HEATR1: variants seen among roughly 807,000 people sequenced by gnomAD.
HEATR1 encodes HEAT repeat-containing protein 1.
In HEATR1, 77 loss-of-function variants were observed where a neutral mutation model predicts 248.2. That is an observed-to-expected ratio of 0.31 (90% CI 0.26 to 0.37). HEATR1 has a LOEUF of 0.37. Ranked by LOEUF, HEATR1 falls within the 10% of genes least tolerant of loss-of-function variation. The pLI, the probability that HEATR1 is intolerant of heterozygous loss-of-function variation, is 1.00. For synonymous variants in HEATR1, 897 were observed against 923.1 expected (o/e 0.97, Z 0.51); for missense variants, 2,420 against 2,504.9 (o/e 0.97, Z 0.72).
intron 32 of HEATR1, among the ~76,000 whole-genome samples, chr1:236,563,724 G>T (rs907631244): frequency 6.6e-6 from 1 of 152,052 alleles, no homozygotes; most frequent in Non-Finnish European, 1.5e-5. Context: ...ATTCCTGGTC[G>T]TATTCCTTTC....
At chr1:236,566,981 A>C in intron 29 of HEATR1, 105 bp from the exon 30 acceptor site, 1 of 714,282 alleles carries the variant, frequency 1.4e-6, no homozygotes, top group Non-Finnish European at 2.4e-6. Flanking sequence ...AGAAATTGCC[A>C]GAAGAATTTT....
intron 17 of HEATR1, among the ~76,000 whole-genome samples, chr1:236,584,721 A>G (rs1284686388): frequency 6.6e-6 from 1 of 152,262 alleles, no homozygotes; most frequent in Non-Finnish European, 1.5e-5. Flanking sequence ...TGAATTCTTC[A>G]TCGCTAGAGG....
At chr1:236,551,177 A>C (rs1662724395) in intron 44 of HEATR1, 187 bp from the exon 45 acceptor site, 1 of 550,214 alleles carries the variant, frequency 1.8e-6, no homozygotes, top group Middle Eastern at 4.8e-4. Flanking sequence ...TTCCGCCTTC[A>C]TTCCTTGCCC....
intron 20 of HEATR1, among the ~76,000 whole-genome samples, chr1:236,579,754 A>G (rs896183315): frequency 6.6e-6 from 1 of 152,200 alleles, no homozygotes; most frequent in African/African-American, 2.4e-5. Context: ...TATTTTAGAA[A>G]TAAAACTTGA....
chr1:236,597,125 C>CA (rs59433755), intron 5 of HEATR1, 149 bp from the exon 6 acceptor site: 32,771 of 369,526 alleles, frequency 0.089, 88 homozygotes, highest in Admixed American at 0.12. Flanking sequence ...TCCATGTCTC[C>CA]AAAAAAAAAA....
At chr1:236,554,515 C>T in intron 42 of HEATR1, 83 bp downstream of exon 42, 1 of 1,190,806 alleles carries the variant, frequency 8.4e-7, no homozygotes, top group Admixed American at 2.6e-5. Context: ...TCCTAGCAAG[C>T]TGTCATTTGA....
At chr1:236,556,388 A>G (rs1407518) in intron 37 of HEATR1, 130 bp from the exon 38 acceptor site, 638,310 of 910,760 alleles carry the variant, frequency 0.7, 225,911 homozygotes, top group Non-Finnish European at 0.73. Context: ...TACACACAGA[A>G]TTCCTTTTAA....
chr1:236,577,447 G>A (rs879373405), intron 20 of HEATR1, among the ~76,000 whole-genome samples: 18 of 151,250 alleles, frequency 1.2e-4, no homozygotes, highest in African/African-American at 2.9e-4. Flanking sequence ...AAACTCTTGC[G>A]AATGTTTTCC....
intron 12 of HEATR1, among the ~76,000 whole-genome samples, chr1:236,588,767 A>G (rs1663957941): frequency 6.6e-6 from 1 of 152,234 alleles, no homozygotes; most frequent in South Asian, 2.1e-4. Flanking sequence ...AATAATATAA[A>G]AAACATAGGT....
chr1:236,572,319 C>A, intron 26 of HEATR1, 92 bp downstream of exon 26: 1 of 1,353,034 alleles, frequency 7.4e-7, no homozygotes, highest in East Asian at 2.3e-5. Flanking sequence ...ACTATCTAAA[C>A]AAGAGAAGAG....
intron 42 of HEATR1, among the ~76,000 whole-genome samples, chr1:236,554,345 T>C (rs1233485743): frequency 1.3e-5 from 2 of 152,138 alleles, no homozygotes; most frequent in East Asian, 3.9e-4. Context: ...CGAGCCGAGA[T>C]TGCACCACTG....
chr1:236,592,509 C>T lies in HEATR1; in HGVS notation c.1304+14G>A. 1 of 1,019,154 alleles carries T rather than the reference C, an allele frequency of 9.8e-7. No homozygotes were observed. Among genetic ancestry groups the T allele is most frequent in the Non-Finnish European group, 1.5e-6 (1 of 647,744 alleles). The allele number at this position is 1,019,154 out of a possible 1,614,324, so 63.1% of individuals were successfully genotyped here. A position where few individuals can be genotyped will look rare whatever the true frequency, so the allele number is the denominator to read the frequency against. On this transcript the variant is annotated intron_variant, in intron 10 of 44. Coordinates refer to ENST00000366582, the MANE Select transcript of HEATR1 (RefSeq NM_018072.6). ...AGTACTTTAGAAGAGCATAAACATA[C>T]ACACGTAACTTACTTGCTTTCTAAA...
chr1:236,549,163 T>C lies in HEATR1; in HGVS notation c.*1739A>G, dbSNP rs1190676819. 2.5e-6 allele frequency: 1 copy of C among 395,530 alleles called. No individual in the cohort carries two copies. Among genetic ancestry groups the C allele is most frequent in the East Asian group, 3.6e-5 (1 of 28,024 alleles). The allele number at this position is 395,530 out of a possible 1,614,324, so 24.5% of individuals were successfully genotyped here. On this transcript the variant is annotated 3_prime_UTR_variant, in exon 45 of 45. Coordinates refer to ENST00000366582, the MANE Select transcript of HEATR1 (RefSeq NM_018072.6). ...TGTTTTGTTCCCATGAAATCACCAA[T>C]CAAGGCCTCCGTTCTTCTAAAGATT...
rs11338847 is a variant in HEATR1, at chr1:236,581,420, TAAA to T, written c.2563-9_2563-7del. ...AAAACATCTTCTAGATGCACCTAATTAAAAAAAAAAAAAAGCAAACTTTTAATT... is the reference window on the plus strand; with the variant it reads ...AAAACATCTTCTAGATGCACCTAATTAAAAAAAAAAAGCAAACTTTTAATT... On this transcript the variant is annotated splice_region_variant and splice_polypyrimidine_tract_variant and intron_variant, in intron 19 of 44. Transcript: ENST00000366582. The T allele has an allele frequency of 1.8e-4, 218 of 1,210,660 alleles. No individual in the cohort carries two copies. Among genetic ancestry groups the T allele is most frequent in the South Asian group, 4.5e-4 (24 of 52,864 alleles). The allele number at this position is 1,210,660 out of a possible 1,614,324, so 75.0% of individuals were successfully genotyped here.
chr1:236,595,762 C>CAA, intron 7 of HEATR1, 71 bp downstream of exon 7: 2 of 1,446,306 alleles, frequency 1.4e-6, no homozygotes, highest in Non-Finnish European at 1.9e-6. Flanking sequence ...ACTTATCTTA[C>CAA]AAAAAAAAAT....
chr1:236,582,881 A>C lies in HEATR1; in HGVS notation c.2426-9T>G. 2 of 1,613,546 alleles carry C rather than the reference A, an allele frequency of 1.2e-6. No individual in the cohort carries two copies. Among genetic ancestry groups the C allele is most frequent in the South Asian group, 2.2e-5 (2 of 91,080 alleles). On this transcript the variant is annotated splice_polypyrimidine_tract_variant and intron_variant, in intron 18 of 44. Transcript: ENST00000366582. The stretch of plus-strand genomic sequence containing the variant: ...ATTCCACCATATATCACCTACAAGG[A>C]CATGGAAAGAGAAATGATGCTAGAT...
chr1:236,587,615 A>G, intron 13 of HEATR1, 125 bp from the exon 14 acceptor site: 1 of 468,980 alleles, frequency 2.1e-6, no homozygotes, highest in Non-Finnish European at 3.7e-6. Context: ...AGTACAAATT[A>G]AAAGTTTTAA....
intron 30 of HEATR1, among the ~76,000 whole-genome samples, chr1:236,566,337 AC>A (rs1442260144): frequency 1.3e-5 from 2 of 152,098 alleles, no homozygotes; most frequent in Admixed American, 1.3e-4. Context: ...TTGAAGAGAC[AC>A]TGTTTCATTA....
At chr1:236,596,763 T>TA (rs896766393) in intron 6 of HEATR1, 73 bp downstream of exon 6, 12 of 1,417,560 alleles carry the variant, frequency 8.5e-6, no homozygotes, top group Middle Eastern at 2.0e-4. Context: ...CACTTAAATC[T>TA]AAAAAAACTT....
Sources: gnomAD v4.1 joint callset for allele counts (sites outside exome capture counted in the v4.1 genomes callset) on GRCh38, gnomAD v4.1.1 for gene constraint, MANE v1.5 for transcripts, NCBI Gene and HGNC (gene_info 2026-07-23, HGNC 2026-07-21) for gene names.